Variants in CMIP observed in about 807,000 individuals in gnomAD.
CMIP encodes c-Maf inducing protein.
Under a neutral mutation model 97.3 loss-of-function variants are expected in CMIP, and 13 were observed. The ratio of observed to expected loss-of-function variants is 0.13; its 90% CI spans 0.09 to 0.21. CMIP has a LOEUF of 0.21. CMIP is among the 10% of genes least tolerant of loss of function. The probability of loss-of-function intolerance (pLI) is 1.00; values close to 1 mark genes in which losing one functional copy is unlikely to be tolerated. For synonymous variants in CMIP, 538 were observed against 436.3 expected (o/e 1.23, Z -2.91); for missense variants, 847 against 1,024.9 (o/e 0.83, Z 2.37).
chr16:81,670,071 G>T, intron 7 of CMIP, 71 bp from the exon 8 acceptor site: 1 of 1,441,564 alleles, frequency 6.9e-7, no homozygotes, highest in South Asian at 1.2e-5. Flanking sequence ...CTTCTTTCTG[G>T]TGTCCTGGCT....
intron 1 of CMIP, among the ~76,000 whole-genome samples, chr16:81,541,668 C>T (rs781429129): frequency 6.6e-6 from 1 of 152,156 alleles, no homozygotes; most frequent in East Asian, 1.9e-4. Context: ...AAGAAAGTCT[C>T]AGTGGAGTGG....
rs538083635 is a variant in CMIP at position 81,627,817 on chromosome 16, G to A, written c.477+6891G>A. Among the ~76,000 whole-genome samples the A allele has an allele frequency of 2.6e-5, 4 of 152,282 alleles. No individual in the cohort carries two copies. In the East Asian group the frequency reaches 5.8e-4, roughly 22 times the overall value. Reference sequence around the variant, plus strand: ...ACCTCATGAGTGGCTGCGGCGCCTCGGGAATGAGTCTGTTCCATGTTCTGT... The same window carrying A: ...ACCTCATGAGTGGCTGCGGCGCCTCAGGAATGAGTCTGTTCCATGTTCTGT... On this transcript the variant is annotated intron_variant, in intron 3 of 20. Transcript: ENST00000537098. This position sits in a 1 kb window ranked among gnomAD's most constrained non-coding sequence, Gnocchi z 4.6.
At chr16:81,599,504 A>G (rs1597132312) in intron 1 of CMIP, among the ~76,000 whole-genome samples, 1 of 152,208 alleles carries the variant, frequency 6.6e-6, no homozygotes, top group Non-Finnish European at 1.5e-5. Context: ...GTGGGGTAGC[A>G]ACAGAAGGGT....
At chr16:81,587,902 A>C (rs532324108) in intron 1 of CMIP, among the ~76,000 whole-genome samples, 6 of 152,154 alleles carry the variant, frequency 3.9e-5, no homozygotes, top group Non-Finnish European at 7.4e-5. Flanking sequence ...TGCATGAGTC[A>C]AGCTCCCTTG....
At chr16:81,546,124 CGAGT>C (rs747577161) in intron 1 of CMIP, among the ~76,000 whole-genome samples, 4 of 152,086 alleles carry the variant, frequency 2.6e-5, no homozygotes, top group Non-Finnish European at 5.9e-5. Flanking sequence ...CTGGTTCTTA[CGAGT>C]TATCGTGTCT....
At chr16:81,674,231 C>T (rs1226354505) in intron 9 of CMIP, among the ~76,000 whole-genome samples, 1 of 152,162 alleles carries the variant, frequency 6.6e-6, no homozygotes, top group Non-Finnish European at 1.5e-5. Flanking sequence ...AGGGCATGTT[C>T]TGGAGCTGAC....
intron 1 of CMIP, among the ~76,000 whole-genome samples, chr16:81,563,924 C>T (rs1253433947): frequency 6.6e-6 from 1 of 152,232 alleles, no homozygotes; most frequent in South Asian, 2.1e-4. Flanking sequence ...TGCAGCCTAG[C>T]TGTCTCCAGC....
intron 10 of CMIP, among the ~76,000 whole-genome samples, chr16:81,687,145 C>T (rs1202323378): frequency 6.6e-6 from 1 of 152,178 alleles, no homozygotes; most frequent in Non-Finnish European, 1.5e-5. Context: ...TCACAGGCCC[C>T]AGGCTCTGTC....
At chr16:81,482,623 C>T (rs7187136) in intron 1 of CMIP, among the ~76,000 whole-genome samples, 29,989 of 152,164 alleles carry the variant, frequency 0.2, 3,123 homozygotes, top group East Asian at 0.3. Flanking sequence ...GCCCCTGCCC[C>T]TCCCCCACCT....
chr16:81,673,999 C>T (rs371832329), intron 9 of CMIP, among the ~76,000 whole-genome samples: 28 of 152,142 alleles, frequency 1.8e-4, no homozygotes, highest in African/African-American at 6.5e-4. Context: ...AAACAAATGC[C>T]GTACTGCTGA....
chr16:81,658,132 G>A (rs1480021446), intron 5 of CMIP, among the ~76,000 whole-genome samples: 1 of 151,800 alleles, frequency 6.6e-6, no homozygotes, highest in African/African-American at 2.4e-5. Flanking sequence ...TTTATTCAGA[G>A]GCATCACCCC....
chr16:81,544,408 G>A (rs1217189495), intron 1 of CMIP, among the ~76,000 whole-genome samples: 1 of 151,606 alleles, frequency 6.6e-6, no homozygotes, highest in Non-Finnish European at 1.5e-5. Flanking sequence ...ATAGGACTCT[G>A]TCTCATCCTC....
intron 1 of CMIP, among the ~76,000 whole-genome samples, chr16:81,511,653 C>T (rs918422338): frequency 1.3e-5 from 2 of 152,092 alleles, no homozygotes; most frequent in Non-Finnish European, 2.9e-5. Context: ...TTCAACTTCC[C>T]AGGCTCAGAT....
intron 1 of CMIP, among the ~76,000 whole-genome samples, chr16:81,447,502 C>T (rs1056688347): frequency 1.3e-5 from 2 of 152,120 alleles, no homozygotes; most frequent in African/African-American, 4.8e-5. Flanking sequence ...CCTGAATAGC[C>T]AGAGGCCCCT....
intron 3 of CMIP, among the ~76,000 whole-genome samples, chr16:81,626,807 GTGTGTGT>G (rs2092075614): frequency 2.3e-5 from 3 of 131,218 alleles, no homozygotes; most frequent in East Asian, 2.7e-4. Context: ...GTGTGTGTGT[GTGTGTGT>G]GTGGGGTGCA....
At chr16:81,609,619 G>C (rs972635146) in intron 2 of CMIP, among the ~76,000 whole-genome samples, 1 of 152,242 alleles carries the variant, frequency 6.6e-6, no homozygotes, top group African/African-American at 2.4e-5. Context: ...TGGGAGCCCA[G>C]AGAAGGAGGA....
intron 3 of CMIP, chr16:81,645,691 C>G (rs1299463897): frequency 3.5e-6 from 5 of 1,424,570 alleles, no homozygotes; most frequent in Admixed American, 2.0e-5. Context: ...TGCCTGCTGT[C>G]TCTGCTTGCC....
intron 3 of CMIP, among the ~76,000 whole-genome samples, chr16:81,636,419 C>G (rs1229789166): frequency 6.6e-6 from 1 of 151,774 alleles, no homozygotes; most frequent in East Asian, 1.9e-4. Flanking sequence ...CCCATCTCTA[C>G]TAATAATACA....
intron 1 of CMIP, among the ~76,000 whole-genome samples, chr16:81,535,363 T>A (rs547367576): frequency 3.4e-4 from 51 of 152,120 alleles, no homozygotes; most frequent in African/African-American, 1.2e-3. Context: ...GAATCTCACA[T>A]GCATAAAATT....
Sources: allele counts gnomAD v4.1 joint callset (sites outside exome capture counted in the v4.1 genomes callset), GRCh38; gene constraint gnomAD v4.1.1; non-coding constraint Gnocchi (gnomAD v3.1); transcripts MANE v1.5; gene names NCBI Gene and HGNC (gene_info 2026-07-23, HGNC 2026-07-21).